The following SUPV3L1 variants were observed in gnomAD, a reference collection of about 807,000 sequenced individuals.
SUPV3L1 encodes the protein Suv3 like RNA helicase, also known as ATP-dependent RNA helicase SUPV3L1, mitochondrial.
In SUPV3L1, 35 loss-of-function variants were observed where a neutral mutation model predicts 70.0. The ratio of observed to expected loss-of-function variants is 0.50; its 90% CI spans 0.38 to 0.66. The LOEUF is 0.66. Ranked by LOEUF, SUPV3L1 falls within the 30% of genes least tolerant of loss-of-function variation. SUPV3L1 has a pLI of 0.00. For missense variants in SUPV3L1, 777 were observed against 961.5 expected, an observed-to-expected ratio of 0.81 and a Z score of 2.54; for synonymous variants, 364 against 341.9, an observed-to-expected ratio of 1.06 and a Z score of -0.71.
In SUPV3L1 at chr10:69,180,467, C is replaced by T. The variant is rs570536665; in HGVS notation, c.176C>T (p.Pro59Leu). ...SSSASGGSKIPNTSLFVPLTV... is the reference protein window; with the variant it reads ...SSSASGGSKILNTSLFVPLTV... ...TCTGCCTCCGGTGGCTCCAAAATAC[C>T]AAACACGTCCTTGTTCGTGCCCCTG... is the stretch of plus-strand genomic sequence containing the variant. The change falls in exon 1 of 15, where the codon CCA becomes CTA. Residue 59 changes from proline to leucine, a missense_variant. Around this residue, in one of 2 missense-constraint regions of SUPV3L1, gnomAD observed 158 missense variants for 138.3 expected, o/e 1.14. Transcript: ENST00000359655. 2.5e-6 allele frequency: 4 copies of T among 1,614,246 alleles called. No homozygotes were observed. Among genetic ancestry groups the T allele is most frequent in the African/African-American group, 1.3e-5 (1 of 75,070 alleles).
intron 1 of SUPV3L1, 110 bp downstream of exon 1, chr10:69,180,672 T>C (rs868592614): frequency 9.7e-6 from 14 of 1,445,914 alleles, no homozygotes; most frequent in Middle Eastern, 4.0e-4. Flanking sequence ...CCATCGAGTG[T>C]TGTCATCGTG....
intron 5 of SUPV3L1, among the ~76,000 whole-genome samples, chr10:69,190,353 G>T (rs1357653745): frequency 6.6e-6 from 1 of 152,156 alleles, no homozygotes; most frequent in East Asian, 1.9e-4. Context: ...CACTAAATGG[G>T]CTACATTTTG....
chr10:69,189,641 C>T, intron 5 of SUPV3L1, among the ~76,000 whole-genome samples: 1 of 133,518 alleles, frequency 7.5e-6, no homozygotes, highest in African/African-American at 2.6e-5. Flanking sequence ...GACATGCTAT[C>T]AATTCTTTTT....
At chr10:69,186,774 G>T (rs1004663575) in intron 3 of SUPV3L1, among the ~76,000 whole-genome samples, 4 of 152,100 alleles carry the variant, frequency 2.6e-5, no homozygotes, top group African/African-American at 9.7e-5. Flanking sequence ...ACTGGAGGAA[G>T]ACTGGGGCCC....
chr10:69,198,915 G>A (rs920634276), intron 9 of SUPV3L1, among the ~76,000 whole-genome samples, 189 bp from the exon 10 acceptor site: 3 of 152,108 alleles, frequency 2.0e-5, no homozygotes, highest in African/African-American at 4.8e-5. Flanking sequence ...GCTATATGAC[G>A]GAGTATTTGA....
chr10:69,193,539 T>C (rs1224718656), intron 6 of SUPV3L1, among the ~76,000 whole-genome samples: 1 of 151,248 alleles, frequency 6.6e-6, no homozygotes, highest in East Asian at 2.0e-4. Context: ...ATTGCAGTCG[T>C]GACCTCCTGG....
intron 7 of SUPV3L1, chr10:69,195,518 C>G (rs1842519695): frequency 2.8e-6 from 1 of 362,298 alleles, no homozygotes; most frequent in South Asian, 1.2e-4. Flanking sequence ...TACACAACTA[C>G]AATTTATGTT....
At chr10:69,202,561 A>G (rs748582986) in intron 12 of SUPV3L1, 42 bp downstream of exon 12, 6 of 1,558,956 alleles carry the variant, frequency 3.8e-6, no homozygotes, top group Non-Finnish European at 5.3e-6. Context: ...AAAAATGTTG[A>G]TATGTCAGGT....
At position 69,185,985 on chromosome 10, in the gene SUPV3L1, A is replaced by G; in HGVS notation, c.272-2A>G. On this transcript the variant is annotated splice_acceptor_variant, in intron 1 of 14. Transcript: ENST00000359655. LOFTEE classifies it high-confidence loss of function. ...CGTTAAATTTTGACATCTCTCTTCT[A>G]GATGAAGTAAAGAAGGTCTTAGACA... The G allele has an allele frequency of 6.2e-7, 1 of 1,607,152 alleles. No homozygotes were observed. The highest frequency in any genetic ancestry group is 8.5e-7 in the Non-Finnish European group (1 of 1,174,926).
chr10:69,188,205 A>G (rs1164364327), intron 4 of SUPV3L1, among the ~76,000 whole-genome samples: 3 of 152,210 alleles, frequency 2.0e-5, no homozygotes, highest in Non-Finnish European at 4.4e-5. Flanking sequence ...GCCCTTGGCC[A>G]GGAATTCGCA....
intron 6 of SUPV3L1, among the ~76,000 whole-genome samples, chr10:69,194,597 G>T (rs952843872): frequency 6.6e-6 from 1 of 151,910 alleles, no homozygotes; most frequent in Non-Finnish European, 1.5e-5. Context: ...TGATCCACCC[G>T]CCTCGACCTC....
rs1404267353 is a variant in SUPV3L1 at position 69,200,478 on chromosome 10, G to A, written c.1497G>A (p.Lys499=). The change falls in exon 11 of 15, where the codon AAG becomes AAA. Residue 499 remains lysine (K), a synonymous_variant. Transcript: ENST00000359655. ...EDLSLLKEIL[K]RPVDPIRAAG... ...TCAGTTTATTAAAGGAAATTTTGAA[G>A]AGGCCTGTGGATCCTATAAGGGTAA... The A allele has an allele frequency of 6.2e-7, 1 of 1,613,764 alleles. No individual in the cohort carries two copies. Among genetic ancestry groups the A allele is most frequent in the Non-Finnish European group, 8.5e-7 (1 of 1,179,870 alleles).
chr10:69,202,530 A>G lies in SUPV3L1; in HGVS notation c.1599+11A>G. On this transcript the variant is annotated intron_variant, in intron 12 of 14. Coordinates refer to ENST00000359655, the MANE Select transcript of SUPV3L1 (RefSeq NM_003171.5). ...CTGTCCAATCTCATTGTAAGTGGAA[A>G]CTCCCTTTCACATCTCCCCTAAAAA... 6.2e-7 allele frequency: 1 copy of G among 1,607,188 alleles called. No homozygotes were observed. The highest frequency in any genetic ancestry group is 8.5e-7 in the Non-Finnish European group (1 of 1,175,470).
intron 10 of SUPV3L1, among the ~76,000 whole-genome samples, chr10:69,199,552 CT>C (rs1257872984): frequency 4.0e-5 from 6 of 150,646 alleles, no homozygotes; most frequent in Admixed American, 2.0e-4. Context: ...TGGTTATTTT[CT>C]TTTTTTTTGG....
chr10:69,189,646 C>CTTT lies in SUPV3L1; in HGVS notation c.741+227_741+229dup, dbSNP rs34718589. Among the ~76,000 whole-genome samples, 986 of 125,020 alleles carry CTTT rather than the reference C, an allele frequency of 7.9e-3. 34 individuals carry two copies. Among genetic ancestry groups the CTTT allele is most frequent in the Admixed American group, 0.032 (342 of 10,586 alleles). The allele number at this position is 125,020 out of a possible 152,430, so 82.0% of individuals were successfully genotyped here. Reference sequence around the variant, plus strand: ...AACTGACTCTGACATGCTATCAATTCTTTTTTTTTTTTTTTTTTGAGATGG... The same window carrying CTTT: ...AACTGACTCTGACATGCTATCAATTCTTTTTTTTTTTTTTTTTTTTTGAGATGG... On this transcript the variant is annotated intron_variant, in intron 5 of 14. Transcript: ENST00000359655.
At chr10:69,183,602 T>C (rs935835571) in intron 1 of SUPV3L1, among the ~76,000 whole-genome samples, 5 of 152,022 alleles carry the variant, frequency 3.3e-5, no homozygotes, top group Non-Finnish European at 7.4e-5. Flanking sequence ...TTGCTTGAGC[T>C]TGGGTAGTAG....
At chr10:69,202,391 T>C (rs1472224150) in intron 11 of SUPV3L1, 48 bp from the exon 12 acceptor site, 1 of 1,562,046 alleles carries the variant, frequency 6.4e-7, no homozygotes, top group Admixed American at 1.8e-5. Flanking sequence ...TTTGTCCTTT[T>C]TGAAAAAAAA....
Position 69,197,028 on chromosome 10 carries a change from C to A in SUPV3L1, c.968C>A (p.Pro323His). Residue 323 changes from proline (P) to histidine (H), a missense_variant, in exon 8 of 15, where the codon CCT (proline) becomes CAT (histidine). By Grantham distance (77) the Pro-to-His change is moderately conservative (BLOSUM62 -2). Transcript: ENST00000359655. ...CAEEVHLCGE[P>H]AAIDLVMELM... ...GAAGAGGTTCATTTGTGTGGAGAAC[C>A]TGCTGCTATTGACCTGGTGATGGAG... 1.2e-6 allele frequency: 2 copies of A among 1,614,096 alleles called. No homozygotes were observed. Among genetic ancestry groups the A allele is most frequent in the South Asian group, 2.2e-5 (2 of 91,080 alleles).
chr10:69,182,673 T>G (rs1842097578), intron 1 of SUPV3L1: 1 of 985,444 alleles, frequency 1.0e-6, no homozygotes, highest in Non-Finnish European at 1.2e-6. Context: ...TCATCTCCTT[T>G]GACTGGGATT....
Sources: gnomAD v4.1 joint callset for allele counts (sites outside exome capture counted in the v4.1 genomes callset) on GRCh38, gnomAD v4.1.1 for gene constraint, gnomAD v4.1.1 regional missense constraint, MANE v1.5 for transcripts, NCBI Gene and HGNC (gene_info 2026-07-23, HGNC 2026-07-21) for gene names.